Variants in OLA1 observed in about 807,000 individuals in gnomAD.
The protein encoded by OLA1 is obg-like ATPase 1.
In OLA1, 14 loss-of-function variants were observed where a neutral mutation model predicts 48.4. The ratio of observed to expected loss-of-function variants is 0.29; its 90% CI spans 0.19 to 0.45. The LOEUF is 0.45. Among genes scored for constraint, OLA1 ranks in the 20% least tolerant of loss-of-function variants. The probability of loss-of-function intolerance (pLI) is 1.00; values close to 1 mark genes in which losing one functional copy is unlikely to be tolerated. For synonymous variants in OLA1, 127 were observed against 150.4 expected, an observed-to-expected ratio of 0.84 and a Z score of 1.14; for missense variants, 325 against 467.1, an observed-to-expected ratio of 0.70 and a Z score of 2.80.
At chr2:174,148,164 A>T (rs1161977898) in intron 4 of OLA1, among the ~76,000 whole-genome samples, 2 of 152,224 alleles carry the variant, frequency 1.3e-5, no homozygotes, top group African/African-American at 4.8e-5. Context: ...AGGCGGGCAG[A>T]TAACCTGAGG....
intron 5 of OLA1, among the ~76,000 whole-genome samples, chr2:174,135,084 C>T (rs903836444): frequency 1.4e-4 from 21 of 145,766 alleles, no homozygotes; most frequent in Non-Finnish European, 2.2e-4. Context: ...GGCATGAACC[C>T]GGGAGGTAGA....
At chr2:174,226,150 G>A (rs1384526436) in intron 3 of OLA1, among the ~76,000 whole-genome samples, 2 of 126,596 alleles carry the variant, frequency 1.6e-5, no homozygotes, top group African/African-American at 5.8e-5. Context: ...AGTGAGCCGA[G>A]ATCCCGCCAC....
At chr2:174,133,553 G>T (rs1337926349) in intron 5 of OLA1, among the ~76,000 whole-genome samples, 1 of 152,078 alleles carries the variant, frequency 6.6e-6, no homozygotes, top group Admixed American at 6.6e-5. Context: ...TAGAGACAGG[G>T]TTATGCCATG....
chr2:174,149,395 T>TA (rs1418859338), intron 4 of OLA1, among the ~76,000 whole-genome samples: 1 of 152,202 alleles, frequency 6.6e-6, no homozygotes. Flanking sequence ...TCTCTTCTCT[T>TA]ACCCCTCTAT....
intron 4 of OLA1, among the ~76,000 whole-genome samples, chr2:174,179,592 A>G (rs547025803): frequency 7.8e-4 from 118 of 152,150 alleles, no homozygotes; most frequent in African/African-American, 2.7e-3. Flanking sequence ...TTTTAGACAT[A>G]TCTACTGGAT....
intron 4 of OLA1, among the ~76,000 whole-genome samples, chr2:174,215,440 T>C (rs954597063): frequency 1.3e-5 from 2 of 152,214 alleles, no homozygotes; most frequent in East Asian, 3.8e-4. Flanking sequence ...GGATTTGAAT[T>C]TCAAGGATTC....
At chr2:174,219,314 T>C (rs1450274582) in intron 4 of OLA1, among the ~76,000 whole-genome samples, 3 of 151,758 alleles carry the variant, frequency 2.0e-5, no homozygotes, top group Non-Finnish European at 2.9e-5. Context: ...GTATTCTATA[T>C]TGTTTATGCT....
chr2:174,113,458 A>T (rs1270729266), intron 7 of OLA1, among the ~76,000 whole-genome samples: 3 of 152,154 alleles, frequency 2.0e-5, no homozygotes, highest in Non-Finnish European at 2.9e-5. Context: ...TTTATACATG[A>T]TATTGCGTAA....
At chr2:174,137,817 G>T (rs570209560) in intron 5 of OLA1, among the ~76,000 whole-genome samples, 4 of 152,116 alleles carry the variant, frequency 2.6e-5, no homozygotes, top group Admixed American at 2.6e-4. Flanking sequence ...ATAGTCCTTC[G>T]CTTAAGGGAA....
intron 1 of OLA1, chr2:174,247,586 A>T (rs1305597790): frequency 1.3e-6 from 2 of 1,532,650 alleles, no homozygotes; most frequent in Non-Finnish European, 1.8e-6. Flanking sequence ...GTCACCCTTC[A>T]CACCAAACCA....
At position 174,074,746 on chromosome 2, in the gene OLA1, C is replaced by T. The variant is rs1684686192; in HGVS notation, c.*680G>A. On this transcript the variant is annotated 3_prime_UTR_variant, in exon 11 of 11. Transcript: ENST00000284719. ...TTGTGGTCAGTCACCTATCTCATAT[C>T]CCTCATAATATCATTGCTATCATCT... The T allele has an allele frequency of 6.6e-6, 1 of 152,532 alleles. No homozygotes were observed. The highest frequency in any genetic ancestry group is 2.4e-5 in the African/African-American group (1 of 41,506). The allele number at this position is 152,532 out of a possible 1,614,324, so 9.4% of individuals were successfully genotyped here.
intron 7 of OLA1, among the ~76,000 whole-genome samples, chr2:174,089,114 C>T (rs1685048730): frequency 6.6e-6 from 1 of 152,034 alleles, no homozygotes; most frequent in Non-Finnish European, 1.5e-5. Context: ...GAGGCTGAGG[C>T]AGGAGGATCC....
chr2:174,119,097 A>G (rs1335991349), intron 7 of OLA1, among the ~76,000 whole-genome samples: 1 of 145,396 alleles, frequency 6.9e-6, no homozygotes, highest in African/African-American at 2.5e-5. Context: ...ACCAAAAAAG[A>G]AAAAAAAAAA....
At position 174,079,763 on chromosome 2, in the gene OLA1, G is replaced by A. The variant is rs571961003; in HGVS notation, c.967-673C>T. On this transcript the variant is annotated intron_variant, in intron 9 of 10. Coordinates refer to ENST00000284719, the MANE Select transcript of OLA1 (RefSeq NM_013341.5). ...CATGGAAAGAAATTTGAGAAATAAC[G>A]GTGACCTAAAGGCTGCTTAATAAAG... is the stretch of plus-strand genomic sequence containing the variant. 5.9e-5 allele frequency among the ~76,000 whole-genome samples: 9 copies of A among 151,902 alleles called. No individual in the cohort carries two copies. In the East Asian group the frequency reaches 1.4e-3, roughly 23 times the overall value.
chr2:174,237,365 G>A (rs1284195406), intron 2 of OLA1, among the ~76,000 whole-genome samples: 1 of 151,764 alleles, frequency 6.6e-6, no homozygotes, highest in Non-Finnish European at 1.5e-5. Flanking sequence ...GCTTCCTTCT[G>A]GAATACCTCC....
intron 7 of OLA1, among the ~76,000 whole-genome samples, chr2:174,114,341 C>CAAAAAAAAAAAA (rs76471043): frequency 2.6e-4 from 16 of 60,648 alleles, no homozygotes; most frequent in South Asian, 1.8e-3. Context: ...GACTCCGCCT[C>CAAAAAAAAAAAA]AAAAAAAAAA....
At chr2:174,155,882 G>A (rs958649866) in intron 4 of OLA1, among the ~76,000 whole-genome samples, 4 of 152,138 alleles carry the variant, frequency 2.6e-5, no homozygotes, top group African/African-American at 9.7e-5. Flanking sequence ...AATTCCAGCA[G>A]GATGGAAGTA....
intron 4 of OLA1, among the ~76,000 whole-genome samples, chr2:174,199,192 C>G (rs1687939052): frequency 6.6e-6 from 1 of 152,138 alleles, no homozygotes; most frequent in Non-Finnish European, 1.5e-5. Flanking sequence ...AACCCCATTT[C>G]TATGTGAAAA....
At chr2:174,148,676 C>A (rs1402880406) in intron 4 of OLA1, among the ~76,000 whole-genome samples, 5 of 152,166 alleles carry the variant, frequency 3.3e-5, no homozygotes, top group Non-Finnish European at 7.3e-5. Flanking sequence ...CTACCTTAAC[C>A]TTCCCCACTT....
Sources: allele counts gnomAD v4.1 joint callset (sites outside exome capture counted in the v4.1 genomes callset), GRCh38; gene constraint gnomAD v4.1.1; transcripts MANE v1.5; gene names NCBI Gene and HGNC (gene_info 2026-07-23, HGNC 2026-07-21).